The following RPGRIP1 variants were observed in gnomAD, a reference collection of about 807,000 sequenced individuals.
RPGRIP1 encodes the protein X-linked retinitis pigmentosa GTPase regulator-interacting protein 1.
RPGRIP1 carries 128 observed loss-of-function variants against 157.9 expected under a neutral mutation model. The observed-to-expected ratio is 0.81, with a 90% CI of 0.70 to 0.94. The LOEUF (loss-of-function observed/expected upper bound fraction) is 0.94, where lower values mean the gene tolerates loss of function less well. RPGRIP1 is among the 40% of genes least tolerant of loss of function. RPGRIP1 has a pLI of 0.00. For missense variants in RPGRIP1, 1,486 were observed against 1,545.8 expected (o/e 0.96, Z 0.65); for synonymous variants, 554 against 571.6 (o/e 0.97, Z 0.44).
At chr14:21,307,432 C>T (rs557553232) in intron 6 of RPGRIP1, among the ~76,000 whole-genome samples, 1 of 152,328 alleles carries the variant, frequency 6.6e-6, no homozygotes, top group East Asian at 1.9e-4. Context: ...CCTAGCTTGA[C>T]ATTGCAAGGT....
intron 21 of RPGRIP1, among the ~76,000 whole-genome samples, chr14:21,335,790 G>A (rs574663299): frequency 6.9e-6 from 1 of 145,668 alleles, no homozygotes; most frequent in South Asian, 2.1e-4. Context: ...CTGGGCGACA[G>A]AGCGAGACTA....
chr14:21,283,720 C>T (rs998789764), intron 1 of RPGRIP1, among the ~76,000 whole-genome samples: 1 of 150,908 alleles, frequency 6.6e-6, no homozygotes, highest in Non-Finnish European at 1.5e-5. Context: ...TGCAGTGGCA[C>T]GATCTTGGCT....
At chr14:21,350,328 ATCAAG>A (rs901054495) in intron 24 of RPGRIP1, among the ~76,000 whole-genome samples, 63 of 150,534 alleles carry the variant, frequency 4.2e-4, no homozygotes, top group African/African-American at 1.4e-3. Flanking sequence ...GTGAGCTGAG[ATCAAG>A]TCACCGCACT....
chr14:21,291,734 A>G (rs1594372759), intron 2 of RPGRIP1, among the ~76,000 whole-genome samples: 1 of 151,906 alleles, frequency 6.6e-6, no homozygotes, highest in African/African-American at 2.4e-5. Flanking sequence ...GGTGCACACC[A>G]CCATGCCCAG....
At chr14:21,321,000 C>G (rs934165319) in intron 12 of RPGRIP1, among the ~76,000 whole-genome samples, 10 of 152,174 alleles carry the variant, frequency 6.6e-5, no homozygotes, top group African/African-American at 2.4e-4. Flanking sequence ...AATTTAGAAT[C>G]TTTTTCAGAT....
Position 21,318,091 on chromosome 14 carries a change from A to G in RPGRIP1, c.1306+241A>G, listed in dbSNP as rs1406328191. 3 of 664,038 alleles carry G rather than the reference A, an allele frequency of 4.5e-6. No individual in the cohort carries two copies. In the Admixed American group the frequency reaches 6.1e-5, roughly 14 times the overall value. The allele number at this position is 664,038 out of a possible 1,614,324, so 41.1% of individuals were successfully genotyped here. A position where few individuals can be genotyped will look rare whatever the true frequency, so the allele number is the denominator to read the frequency against. On this transcript the variant is annotated intron_variant, in intron 11 of 24. Transcript: ENST00000400017. ...ATGTCTTTCCATTTGAGAAGATGCT[A>G]GTTTTTGTTTGTTTGTTTGTTTGTT... is the stretch of plus-strand genomic sequence containing the variant.
intron 3 of RPGRIP1, among the ~76,000 whole-genome samples, chr14:21,299,142 A>G (rs573881700): frequency 5.5e-4 from 83 of 151,868 alleles, no homozygotes; most frequent in East Asian, 3.9e-4. Context: ...CAGCCTCCCA[A>G]GTAGCTGGGA....
intron 22 of RPGRIP1, 117 bp downstream of exon 22, chr14:21,343,345 TTG>T: frequency 1.3e-6 from 1 of 774,976 alleles, no homozygotes; most frequent in South Asian, 1.8e-5. Context: ...TATTATTTTA[TTG>T]TTCAAAGTGT....
intron 21 of RPGRIP1, among the ~76,000 whole-genome samples, chr14:21,342,223 A>T (rs1437485756): frequency 6.6e-6 from 1 of 152,048 alleles, no homozygotes; most frequent in Admixed American, 6.6e-5. Flanking sequence ...TCCTAACCTC[A>T]GGAAAATACT....
At chr14:21,350,109 C>T (rs1886047315) in intron 24 of RPGRIP1, among the ~76,000 whole-genome samples, 1 of 152,174 alleles carries the variant, frequency 6.6e-6, no homozygotes, top group Non-Finnish European at 1.5e-5. Flanking sequence ...GGCGAGGTGG[C>T]TCATGCCTGT....
chr14:21,349,268 C>T (rs1226800581), intron 24 of RPGRIP1, among the ~76,000 whole-genome samples: 1 of 151,740 alleles, frequency 6.6e-6, no homozygotes, highest in African/African-American at 2.4e-5. Flanking sequence ...CGGGCTTTCA[C>T]CATGTTGCCC....
chr14:21,310,483 A>G, intron 7 of RPGRIP1, 101 bp from the exon 8 acceptor site: 1 of 649,466 alleles, frequency 1.5e-6, no homozygotes, highest in Non-Finnish European at 2.6e-6. Flanking sequence ...GTTTTGTGGG[A>G]TTTTTATAAT....
chr14:21,298,941 TAAAAAAAAA>T (rs10555165), intron 3 of RPGRIP1, among the ~76,000 whole-genome samples: 3 of 82,512 alleles, frequency 3.6e-5, no homozygotes, highest in Non-Finnish European at 7.0e-5. Context: ...CTCTGTCTCA[TAAAAAAAAA>T]AAAAAAAAAA....
At chr14:21,333,329 T>C (rs911742420) in intron 20 of RPGRIP1, among the ~76,000 whole-genome samples, 1 of 151,858 alleles carries the variant, frequency 6.6e-6, no homozygotes. Context: ...GACAAAGCCT[T>C]GTGTCTTTTA....
intron 1 of RPGRIP1, among the ~76,000 whole-genome samples, chr14:21,283,952 G>A (rs2139127435): frequency 6.6e-6 from 1 of 152,248 alleles, no homozygotes; most frequent in East Asian, 1.9e-4. Flanking sequence ...TGTAATCCTA[G>A]GTCTAACATG....
In RPGRIP1 at chr14:21,326,132, G is replaced by C. The variant is rs374913550; in HGVS notation, c.2669G>C (p.Arg890Pro). Residue 890 changes from arginine (R) to proline (P), a missense_variant, in exon 17 of 25, where the codon CGA becomes CCA. Arg to Pro is a moderately radical substitution (Grantham distance 103, BLOSUM62 -2). Transcript: ENST00000400017. ...LEPGSYLGRARVPLLPLAKNE... is the reference protein window; with the variant it reads ...LEPGSYLGRAPVPLLPLAKNE... ...CCTGGCTCGTATCTTGGCCGAGCCC[G>C]AGTGCCTTTACTGCCTCTTGCAAAA... is the stretch of plus-strand genomic sequence containing the variant. 3 of 1,597,630 alleles carry C rather than the reference G, an allele frequency of 1.9e-6. No individual in the cohort carries two copies. In the South Asian group the frequency reaches 3.4e-5, roughly 18 times the overall value.
intron 13 of RPGRIP1, 169 bp downstream of exon 13, chr14:21,321,571 G>A: frequency 7.5e-7 from 1 of 1,339,878 alleles, no homozygotes; most frequent in Non-Finnish European, 9.8e-7. Context: ...ACTCACACAT[G>A]CCCACGGCAC....
intron 10 of RPGRIP1, 51 bp from the exon 11 acceptor site, chr14:21,317,645 C>A: frequency 6.4e-7 from 1 of 1,556,460 alleles, no homozygotes; most frequent in Non-Finnish European, 8.7e-7. Context: ...ATAAAGACGT[C>A]ATATCACACC....
intron 21 of RPGRIP1, among the ~76,000 whole-genome samples, chr14:21,337,868 G>A (rs61977492): frequency 0.11 from 15,938 of 148,760 alleles, 1,028 homozygotes; most frequent in Middle Eastern, 0.23. Flanking sequence ...CGACTCTCCT[G>A]CCTCAGCTTC....
Sources: gnomAD v4.1 joint callset for allele counts (sites outside exome capture counted in the v4.1 genomes callset) on GRCh38, gnomAD v4.1.1 for gene constraint, MANE v1.5 for transcripts, NCBI Gene and HGNC (gene_info 2026-07-23, HGNC 2026-07-21) for gene names.